TAFA5: variants seen among roughly 807,000 people sequenced by gnomAD.
TAFA5 encodes the protein TAFA chemokine like family member 5, also known as chemokine-like protein TAFA-5.
A neutral mutation model predicts 15.3 loss-of-function variants in TAFA5; 6 were observed. The ratio of observed to expected loss-of-function variants is 0.39; its 90% CI spans 0.21 to 0.77. The LOEUF (loss-of-function observed/expected upper bound fraction) is 0.77. Among genes scored for constraint, TAFA5 ranks in the 30% least tolerant of loss-of-function variants. TAFA5 has a pLI of 0.41. For missense variants in TAFA5, 161 were observed against 193.1 expected (o/e 0.83, Z 0.98); for synonymous variants, 103 against 80.7 (o/e 1.28, Z -1.48).
At position 48,749,934 on chromosome 22, in the gene TAFA5, C is replaced by A; in HGVS notation, c.*87C>A. On this transcript the variant is annotated 3_prime_UTR_variant, in exon 4 of 4. Transcript: ENST00000402357. ...GCCACAGTTCTCCACTCGCCTCGGACTTCACCCGTTCTCTGCCGCCCGCCC... is the reference window on the plus strand; with the variant it reads ...GCCACAGTTCTCCACTCGCCTCGGAATTCACCCGTTCTCTGCCGCCCGCCC... 4 of 1,296,664 alleles carry A rather than the reference C, an allele frequency of 3.1e-6. No individual in the cohort carries two copies. Among genetic ancestry groups the A allele is most frequent in the Non-Finnish European group, 4.3e-6 (4 of 921,326 alleles). The allele number at this position is 1,296,664 out of a possible 1,614,324, so 80.3% of individuals were successfully genotyped here.
chr22:48,662,917 G>A (rs1005704745), intron 2 of TAFA5, among the ~76,000 whole-genome samples: 2 of 152,196 alleles, frequency 1.3e-5, no homozygotes, highest in Non-Finnish European at 2.9e-5. Flanking sequence ...GACCTCCCAC[G>A]CAGGGAGCCC....
In TAFA5 at chr22:48,716,005, A is replaced by C. The variant is rs181179989; in HGVS notation, c.390+8161A>C. Among the ~76,000 whole-genome samples, 21 of 152,306 alleles carry C rather than the reference A, an allele frequency of 1.4e-4. No homozygotes were observed. In the East Asian group the frequency reaches 2.5e-3, roughly 18 times the overall value. On this transcript the variant is annotated intron_variant, in intron 3 of 3. Transcript: ENST00000402357. ...CCCAGCACCATTTATAAAACAGGGA[A>C]TCCTTTCCCATTGCTTGTTTTGTCA... is the stretch of plus-strand genomic sequence containing the variant.
rs4823796 is a variant in TAFA5, at chr22:48,517,199, G to T, written c.112+27495G>T. ...GAGGCCTTTCCAGACTGGGCACTCGGACGTCCACCTGAGGTCCTCTCTCTC... is the reference window on the plus strand; with the variant it reads ...GAGGCCTTTCCAGACTGGGCACTCGTACGTCCACCTGAGGTCCTCTCTCTC... On this transcript the variant is annotated intron_variant, in intron 1 of 3. Transcript: ENST00000402357. Among the ~76,000 whole-genome samples the T allele has an allele frequency of 5.6e-3, 848 of 152,212 alleles. 5 individuals carry two copies. The highest frequency in any genetic ancestry group is 7.0e-3 in the Non-Finnish European group (474 of 68,014).
chr22:48,711,990 C>T (rs1252156596), intron 3 of TAFA5, among the ~76,000 whole-genome samples: 1 of 152,268 alleles, frequency 6.6e-6, no homozygotes, highest in African/African-American at 2.4e-5. Context: ...CTGTGTGACA[C>T]GTGGATTCAC....
At chr22:48,703,202 A>G (rs555036946) in intron 2 of TAFA5, among the ~76,000 whole-genome samples, 27 of 152,116 alleles carry the variant, frequency 1.8e-4, no homozygotes, top group Admixed American at 5.2e-4. Flanking sequence ...TGTGGTGTAT[A>G]CATGTGTGTG....
At chr22:48,711,834 C>T (rs1049671409) in intron 3 of TAFA5, among the ~76,000 whole-genome samples, 47 of 152,270 alleles carry the variant, frequency 3.1e-4, no homozygotes, top group African/African-American at 1.0e-3. Flanking sequence ...ACCATCGCGC[C>T]GATCCCCCGT....
intron 2 of TAFA5, among the ~76,000 whole-genome samples, chr22:48,650,208 G>T (rs1927003746): frequency 6.6e-6 from 1 of 152,224 alleles, no homozygotes; most frequent in African/African-American, 2.4e-5. Context: ...GTTGAAATCG[G>T]GGAGGCACTT....
chr22:48,605,426 G>GTGATGAAGTTGTTAA (rs1925154083), intron 1 of TAFA5, among the ~76,000 whole-genome samples: 1 of 41,670 alleles, frequency 2.4e-5, no homozygotes, highest in African/African-American at 1.1e-4. Flanking sequence ...GAGGATGGTG[G>GTGATGAAGTTGTTAA]TGGTGGTGGT....
intron 2 of TAFA5, among the ~76,000 whole-genome samples, chr22:48,670,213 C>T (rs62224977): frequency 2.6e-5 from 4 of 152,212 alleles, no homozygotes; most frequent in Non-Finnish European, 4.4e-5. Flanking sequence ...TGGCCCTGTG[C>T]GCCTTGGGAG....
intron 2 of TAFA5, among the ~76,000 whole-genome samples, chr22:48,661,597 T>G (rs116656202): frequency 0.013 from 1,969 of 152,220 alleles, 43 homozygotes; most frequent in African/African-American, 0.045. Flanking sequence ...TCCCGCCCTA[T>G]GGGGACAGTG....
At chr22:48,538,398 C>T (rs921813584) in intron 1 of TAFA5, among the ~76,000 whole-genome samples, 3 of 152,220 alleles carry the variant, frequency 2.0e-5, no homozygotes, top group Non-Finnish European at 4.4e-5. Flanking sequence ...CTGGCTGATT[C>T]GAGGTAGTTG....
At chr22:48,582,281 T>TATGCTGCACACCAC (rs1311319310) in intron 1 of TAFA5, among the ~76,000 whole-genome samples, 2 of 151,438 alleles carry the variant, frequency 1.3e-5, no homozygotes, top group Admixed American at 6.6e-5. Flanking sequence ...CTACACACCA[T>TATGCTGCACACCAC]ATGCTGCACA....
rs564285203 is a variant in TAFA5, at chr22:48,516,050, C to T, written c.112+26346C>T. On this transcript the variant is annotated intron_variant, in intron 1 of 3. Coordinates refer to ENST00000402357, the MANE Select transcript of TAFA5 (RefSeq NM_001082967.3). ...GCCGCTCAGCACCCGCCGGCCTTGA[C>T]CTCACCCAATGGCAGGTTGAGGAGA... is the stretch of plus-strand genomic sequence containing the variant. Among the ~76,000 whole-genome samples the T allele has an allele frequency of 8.5e-5, 13 of 152,280 alleles. 1 individual carries two copies. The South Asian group carries it at 2.7e-3, about 32-fold the overall frequency.
chr22:48,500,357 T>A (rs2147095474), intron 1 of TAFA5, among the ~76,000 whole-genome samples: 1 of 152,350 alleles, frequency 6.6e-6, no homozygotes. Flanking sequence ...GATGGGATTT[T>A]GCTTGTAATT....
At chr22:48,594,718 C>G (rs79847144) in intron 1 of TAFA5, among the ~76,000 whole-genome samples, 3,144 of 152,328 alleles carry the variant, frequency 0.021, 108 homozygotes, top group African/African-American at 0.073. Context: ...CCCCGCATTT[C>G]TGTTGTCTAC....
At chr22:48,527,258 C>T (rs1569168157) in intron 1 of TAFA5, among the ~76,000 whole-genome samples, 1 of 152,260 alleles carries the variant, frequency 6.6e-6, no homozygotes, top group African/African-American at 2.4e-5. Context: ...CTGTAAATGT[C>T]AAGGTCCACT....
chr22:48,534,116 C>T (rs1479242824), intron 1 of TAFA5, among the ~76,000 whole-genome samples: 1 of 151,840 alleles, frequency 6.6e-6, no homozygotes, highest in Middle Eastern at 3.2e-3. Flanking sequence ...CAGGGCCAGG[C>T]AGGTGAGGGG....
At chr22:48,656,066 A>ACGCCTGAC (rs1435856138) in intron 2 of TAFA5, among the ~76,000 whole-genome samples, 27 of 149,018 alleles carry the variant, frequency 1.8e-4, no homozygotes, top group African/African-American at 6.7e-4. Flanking sequence ...CTGGTGTTGA[A>ACGCCTGAC]CTCCTGACCT....
intron 2 of TAFA5, among the ~76,000 whole-genome samples, chr22:48,655,487 C>T (rs1927204064): frequency 6.6e-6 from 1 of 152,132 alleles, no homozygotes. Context: ...GCAGAACGCT[C>T]CATCCTCACG....
Sources: allele counts gnomAD v4.1 joint callset (sites outside exome capture counted in the v4.1 genomes callset), GRCh38; gene constraint gnomAD v4.1.1; transcripts MANE v1.5; gene names NCBI Gene and HGNC (gene_info 2026-07-23, HGNC 2026-07-21).